The following RAPGEF4 variants were observed in gnomAD, a reference collection of about 807,000 sequenced individuals.
RAPGEF4 encodes the protein Rap guanine nucleotide exchange factor 4.
In RAPGEF4, 66 loss-of-function variants were observed where a neutral mutation model predicts 147.9. The observed-to-expected ratio is 0.45, with a 90% CI of 0.37 to 0.55. The LOEUF is 0.55. Among genes scored for constraint, RAPGEF4 ranks in the 20% least tolerant of loss-of-function variants. The pLI is 0.00. For synonymous variants in RAPGEF4, 419 were observed against 442.7 expected, an observed-to-expected ratio of 0.95 and a Z score of 0.67; for missense variants, 1,071 against 1,257.3, an observed-to-expected ratio of 0.85 and a Z score of 2.24.
intron 3 of RAPGEF4, among the ~76,000 whole-genome samples, chr2:172,799,265 T>C (rs1686723414): frequency 6.6e-6 from 1 of 152,216 alleles, no homozygotes; most frequent in South Asian, 2.1e-4. Flanking sequence ...GTTCTCATTT[T>C]ACAGATGAGA....
chr2:172,842,556 G>T (rs1235284705), intron 4 of RAPGEF4, among the ~76,000 whole-genome samples: 2 of 152,174 alleles, frequency 1.3e-5, no homozygotes, highest in Non-Finnish European at 2.9e-5. Context: ...TCACCCAAAG[G>T]ATCGCTCCTG....
intron 16 of RAPGEF4, among the ~76,000 whole-genome samples, chr2:173,000,907 A>G (rs1693848531): frequency 6.6e-6 from 1 of 152,128 alleles, no homozygotes; most frequent in African/African-American, 2.4e-5. Context: ...TGAAAAAACA[A>G]ATACGGTATA....
chr2:172,786,566 G>A (rs2884283), intron 1 of RAPGEF4, among the ~76,000 whole-genome samples: 145,888 of 152,252 alleles, frequency 0.96, 70,198 homozygotes, highest in East Asian at 1. Flanking sequence ...GTCTCCTGAA[G>A]GAAAAAAGAA....
intron 4 of RAPGEF4, among the ~76,000 whole-genome samples, chr2:172,862,655 G>A (rs1297239986): frequency 1.3e-5 from 2 of 152,162 alleles, no homozygotes; most frequent in African/African-American, 4.8e-5. Flanking sequence ...TCCTTGTTAT[G>A]GAGATGCTTA....
In RAPGEF4 at chr2:172,961,241, A is replaced by T. The variant is rs757658015; in HGVS notation, c.698+13A>T. ...TAAAGACATACAGGTATGTGTGCTAATTCTAAAGGCTGTGCCCCGCTCATA... is the reference window on the plus strand; with the variant it reads ...TAAAGACATACAGGTATGTGTGCTATTTCTAAAGGCTGTGCCCCGCTCATA... On this transcript the variant is annotated intron_variant, in intron 8 of 30. Coordinates refer to ENST00000397081, the MANE Select transcript of RAPGEF4 (RefSeq NM_007023.4). The T allele has an allele frequency of 4.9e-5, 76 of 1,535,684 alleles. No homozygotes were observed. The highest frequency in any genetic ancestry group is 6.6e-5 in the Non-Finnish European group (73 of 1,109,084).
chr2:172,840,690 A>G (rs1033603103), intron 4 of RAPGEF4, among the ~76,000 whole-genome samples: 2 of 152,230 alleles, frequency 1.3e-5, no homozygotes, highest in Non-Finnish European at 2.9e-5. Flanking sequence ...TAAGGTGAAT[A>G]TTATACTTCT....
intron 4 of RAPGEF4, among the ~76,000 whole-genome samples, chr2:172,837,164 A>T (rs1414845720): frequency 6.6e-6 from 1 of 152,144 alleles, no homozygotes; most frequent in African/African-American, 2.4e-5. Flanking sequence ...AATCCTAACT[A>T]TGGGCTTTTG....
At chr2:172,963,509 T>C (rs1689512117) in intron 8 of RAPGEF4, among the ~76,000 whole-genome samples, 1 of 152,334 alleles carries the variant, frequency 6.6e-6, no homozygotes, top group African/African-American at 2.4e-5. Context: ...TTAAAATATG[T>C]CATGTTTGAT....
intron 4 of RAPGEF4, among the ~76,000 whole-genome samples, chr2:172,845,403 A>G (rs1692067316): frequency 6.6e-6 from 1 of 152,200 alleles, no homozygotes; most frequent in African/African-American, 2.4e-5. Context: ...GCCAGTTTCA[A>G]GTGGGCAGGA....
At chr2:172,906,095 T>C (rs1699598806) in intron 4 of RAPGEF4, among the ~76,000 whole-genome samples, 1 of 152,208 alleles carries the variant, frequency 6.6e-6, no homozygotes, top group African/African-American at 2.4e-5. Context: ...TCCATTTTCA[T>C]ATCATCTAGA....
intron 17 of RAPGEF4, among the ~76,000 whole-genome samples, chr2:173,008,062 G>A (rs958582224): frequency 9.0e-5 from 7 of 77,582 alleles, no homozygotes; most frequent in East Asian, 0.013. Context: ...TGATTAGATC[G>A]GGTGTGGCCC....
chr2:172,737,332 G>A lies in RAPGEF4; in HGVS notation c.65+1284G>A, dbSNP rs193115911. Among the ~76,000 whole-genome samples the A allele has an allele frequency of 1.4e-4, 22 of 152,318 alleles. No individual in the cohort carries two copies. The East Asian group carries it at 3.5e-3, about 24-fold the overall frequency. ...TGTAGAAGAACTAAGAGTATTTAAA[G>A]TATAGAGGTTGTTAATGTGATAAGT... On this transcript the variant is annotated intron_variant, in intron 1 of 30. Transcript: ENST00000397081.
intron 4 of RAPGEF4, among the ~76,000 whole-genome samples, chr2:172,848,878 C>G (rs1356433728): frequency 5.9e-5 from 9 of 151,814 alleles, no homozygotes; most frequent in Non-Finnish European, 1.2e-4. Flanking sequence ...TCTAATGCAT[C>G]AGAGGAGCTT....
At chr2:172,756,472 A>C (rs1456928064) in intron 1 of RAPGEF4, among the ~76,000 whole-genome samples, 2 of 152,214 alleles carry the variant, frequency 1.3e-5, no homozygotes, top group African/African-American at 4.8e-5. Flanking sequence ...TTCAACCCAC[A>C]TAATCTGCCA....
intron 4 of RAPGEF4, among the ~76,000 whole-genome samples, chr2:172,911,662 T>C (rs1700102634): frequency 6.6e-6 from 1 of 151,970 alleles, no homozygotes; most frequent in African/African-American, 2.4e-5. Flanking sequence ...TTTCACCATG[T>C]TGGCCAGGCA....
Position 172,996,489 on chromosome 2 carries a change from CT to C in RAPGEF4, c.1515del (p.Glu506LysfsTer4). 1 of 1,578,202 alleles carries C rather than the reference CT, an allele frequency of 6.3e-7. No individual in the cohort carries two copies. The highest frequency in any genetic ancestry group is 8.6e-7 in the Non-Finnish European group (1 of 1,167,536). Reference sequence around the variant, plus strand: ...AGGTATACTGTGATGTCAGGAACACCTGAAAAAATTTTAGAGCATTTTCTAG... The same window carrying C: ...AGGTATACTGTGATGTCAGGAACACCGAAAAAATTTTAGAGCATTTTCTAG... ...QQKYTVMSGT[P>X]EKILEHFLET... On this transcript the variant is annotated frameshift_variant, in exon 16 of 31. Coordinates refer to ENST00000397081, the MANE Select transcript of RAPGEF4 (RefSeq NM_007023.4). LOFTEE classifies it high-confidence loss of function.
chr2:172,934,301 C>A (rs974894139), intron 6 of RAPGEF4, among the ~76,000 whole-genome samples: 1 of 151,972 alleles, frequency 6.6e-6, no homozygotes, highest in South Asian at 2.1e-4. Context: ...AGGCACCTAC[C>A]ACCATGCCCG....
chr2:173,013,759 T>A (rs1695244916), intron 17 of RAPGEF4, among the ~76,000 whole-genome samples: 1 of 152,134 alleles, frequency 6.6e-6, no homozygotes, highest in Non-Finnish European at 1.5e-5. Flanking sequence ...ATGACCATCA[T>A]CCCAAGCCTC....
chr2:172,821,518 A>C, intron 4 of RAPGEF4: 2 of 900,084 alleles, frequency 2.2e-6, no homozygotes, highest in Non-Finnish European at 2.7e-6. Flanking sequence ...CCAAGACTTC[A>C]TGCCAGGAAC....
Sources: allele counts gnomAD v4.1 joint callset (sites outside exome capture counted in the v4.1 genomes callset), GRCh38; gene constraint gnomAD v4.1.1; transcripts MANE v1.5; gene names NCBI Gene and HGNC (gene_info 2026-07-23, HGNC 2026-07-21).